ACADL: variants seen among roughly 807,000 people sequenced by gnomAD.
ACADL encodes the protein long-chain specific acyl-CoA dehydrogenase, mitochondrial.
ACADL carries 60 observed loss-of-function variants against 56.9 expected under a neutral mutation model. The observed-to-expected ratio is 1.05, with a 90% CI of 0.86 to 1.31. The LOEUF (loss-of-function observed/expected upper bound fraction) is 1.31, where lower values mean the gene tolerates loss of function less well. Among genes scored for constraint, ACADL ranks in the 50% most tolerant of loss-of-function variants. The probability of loss-of-function intolerance (pLI) is 0.00; values close to 1 mark genes in which losing one functional copy is unlikely to be tolerated. For synonymous variants in ACADL, 158 were observed against 179.7 expected, an observed-to-expected ratio of 0.88 and a Z score of 0.97; for missense variants, 484 against 525.5, an observed-to-expected ratio of 0.92 and a Z score of 0.77.
intron 4 of ACADL, among the ~76,000 whole-genome samples, chr2:210,213,649 AC>A (rs1689026598): frequency 6.6e-6 from 1 of 152,188 alleles, no homozygotes. Context: ...AACAAGTTAG[AC>A]CCTCACAATA....
At chr2:210,195,095 T>G in intron 9 of ACADL, 116 bp downstream of exon 9, 9 of 1,391,014 alleles carry the variant, frequency 6.5e-6, no homozygotes, top group Non-Finnish European at 8.0e-6. Context: ...AGTCTCACTT[T>G]TATTTTTCAT....
intron 8 of ACADL, among the ~76,000 whole-genome samples, chr2:210,197,396 T>C (rs1033256647): frequency 5.3e-5 from 8 of 152,168 alleles, no homozygotes; most frequent in Admixed American, 5.2e-4. Context: ...CTATTCATCA[T>C]ATATTTAATT....
intron 8 of ACADL, among the ~76,000 whole-genome samples, chr2:210,200,164 G>A (rs956954136): frequency 2.0e-5 from 3 of 152,004 alleles, no homozygotes; most frequent in African/African-American, 4.8e-5. Context: ...ATATCAAGTG[G>A]TAACACTTCC....
At chr2:210,192,709 A>C in intron 10 of ACADL, 95 bp downstream of exon 10, 1 of 942,532 alleles carries the variant, frequency 1.1e-6, no homozygotes, top group East Asian at 2.6e-5. Flanking sequence ...AAAAGATTGC[A>C]CACCTCCTTT....
chr2:210,220,843 G>T, intron 1 of ACADL, 41 bp from the exon 2 acceptor site: 4 of 1,468,054 alleles, frequency 2.7e-6, no homozygotes, highest in Non-Finnish European at 2.8e-6. Flanking sequence ...TAAGTGAATT[G>T]TTACTCTTCA....
At chr2:210,199,182 G>A (rs1031588541) in intron 8 of ACADL, among the ~76,000 whole-genome samples, 2 of 151,954 alleles carry the variant, frequency 1.3e-5, no homozygotes, top group Non-Finnish European at 2.9e-5. Flanking sequence ...GTACAGTATC[G>A]GTTATTCATC....
intron 1 of ACADL, among the ~76,000 whole-genome samples, chr2:210,223,046 C>T (rs937570641): frequency 1.3e-5 from 2 of 152,106 alleles, no homozygotes; most frequent in Non-Finnish European, 2.9e-5. Flanking sequence ...AATTTAAAAT[C>T]GAGTCTTACT....
intron 4 of ACADL, among the ~76,000 whole-genome samples, chr2:210,212,514 T>C (rs1197000768): frequency 6.6e-6 from 1 of 152,060 alleles, no homozygotes; most frequent in Non-Finnish European, 1.5e-5. Flanking sequence ...ATACCTTGAT[T>C]TGGGCCCAAC....
rs1410279462 is a variant in ACADL at position 210,220,665 on chromosome 2, ACTT to A, written c.212_214del (p.Glu71del). On this transcript the variant is annotated inframe_deletion, in exon 2 of 11. Transcript: ENST00000233710. ...CACTTACTCTGAGTGATGAGGAATCACTTCTTCTTGGAAAAACTTCCTTACACT... is the reference window on the plus strand; with the variant it reads ...CACTTACTCTGAGTGATGAGGAATCACTTCTTGGAAAAACTTCCTTACACT... 10 of 1,613,276 alleles carry A rather than the reference ACTT, an allele frequency of 6.2e-6. No individual in the cohort carries two copies. Among genetic ancestry groups the A allele is most frequent in the African/African-American group, 2.7e-5 (2 of 74,906 alleles).
intron 5 of ACADL, among the ~76,000 whole-genome samples, chr2:210,209,002 A>G (rs561948452): frequency 7.2e-5 from 11 of 152,294 alleles, no homozygotes; most frequent in African/African-American, 2.6e-4. Context: ...TTCCCATTTC[A>G]CTTCTGACCA....
intron 2 of ACADL, among the ~76,000 whole-genome samples, chr2:210,219,872 G>C (rs1689146318): frequency 6.6e-6 from 1 of 151,914 alleles, no homozygotes. Context: ...AGATGATTTT[G>C]CCTAACTGTA....
At chr2:210,203,909 A>G (rs895060589) in intron 7 of ACADL, among the ~76,000 whole-genome samples, 1 of 152,208 alleles carries the variant, frequency 6.6e-6, no homozygotes, top group Non-Finnish European at 1.5e-5. Flanking sequence ...GTTAAAAACA[A>G]TCCCCAGTTG....
rs1688966747 is a variant in ACADL, at chr2:210,210,817, A to T, written c.537-555T>A. On this transcript the variant is annotated intron_variant, in intron 4 of 10. Coordinates refer to ENST00000233710, the MANE Select transcript of ACADL (RefSeq NM_001608.4). ...AAAAATTAGTTGGGTGTGGTGGCACACGCCTGTGGTCTCAGCTACTTGGGA... is the reference window on the plus strand; with the variant it reads ...AAAAATTAGTTGGGTGTGGTGGCACTCGCCTGTGGTCTCAGCTACTTGGGA... 2.0e-5 allele frequency among the ~76,000 whole-genome samples: 3 copies of T among 152,134 alleles called. No individual in the cohort carries two copies. The South Asian group carries it at 6.2e-4, about 32-fold the overall frequency.
rs765859876 is a variant in ACADL at position 210,225,192 on chromosome 2, G to T, written c.72C>A (p.Ala24=). The T allele has an allele frequency of 3.3e-6, 5 of 1,534,248 alleles. No homozygotes were observed. In the Admixed American group the frequency reaches 5.9e-5, roughly 18 times the overall value. Residue 24 remains alanine (A), a synonymous_variant, in exon 1 of 11, where the codon GCC becomes GCA. Coordinates refer to ENST00000233710, the MANE Select transcript of ACADL (RefSeq NM_001608.4). ...GGHRAPRQLP[A]ARCSHSGGEE... ...AAGTCCCGGCTGGCACTCACCGCGC[G>T]GCGGGCAGCTGGCGCGGCGCACGGT...
intron 4 of ACADL, among the ~76,000 whole-genome samples, chr2:210,211,561 T>C (rs960995729): frequency 1.3e-5 from 2 of 152,066 alleles, no homozygotes; most frequent in Non-Finnish European, 2.9e-5. Flanking sequence ...ATCATGAGAT[T>C]TGGTTGTTTA....
intron 2 of ACADL, 116 bp from the exon 3 acceptor site, chr2:210,218,218 T>C: frequency 9.7e-7 from 1 of 1,028,714 alleles, no homozygotes; most frequent in South Asian, 1.4e-5. Context: ...AAGGTAGTTA[T>C]TTACATTAGC....
At chr2:210,192,366 G>A (rs1000652912) in intron 10 of ACADL, among the ~76,000 whole-genome samples, 4 of 152,112 alleles carry the variant, frequency 2.6e-5, no homozygotes, top group Admixed American at 2.0e-4. Context: ...GCACGCACCT[G>A]TTAATTCCAG....
chr2:210,205,148 T>G (rs1305778406), intron 6 of ACADL, among the ~76,000 whole-genome samples: 1 of 152,062 alleles, frequency 6.6e-6, no homozygotes, highest in Non-Finnish European at 1.5e-5. Flanking sequence ...TGCCTCAGCC[T>G]CCCGAGTAGC....
chr2:210,195,402 T>TA (rs1356427957), intron 8 of ACADL, 64 bp from the exon 9 acceptor site: 13 of 1,497,694 alleles, frequency 8.7e-6, no homozygotes, highest in Non-Finnish European at 1.1e-5. Flanking sequence ...TCAACCCACT[T>TA]AACATATCAG....
Sources: gnomAD v4.1 joint callset for allele counts (sites outside exome capture counted in the v4.1 genomes callset) on GRCh38, gnomAD v4.1.1 for gene constraint, MANE v1.5 for transcripts, NCBI Gene and HGNC (gene_info 2026-07-23, HGNC 2026-07-21) for gene names.